Variants in VWA8 observed in about 807,000 individuals in gnomAD.
VWA8 encodes the protein von Willebrand factor A domain containing 8.
Under a neutral mutation model 241.5 loss-of-function variants are expected in VWA8, and 221 were observed. That is an observed-to-expected ratio of 0.91 (90% CI 0.82 to 1.02). The LOEUF is 1.02. VWA8 is among the 50% of genes least tolerant of loss of function. VWA8 has a pLI of 0.00. For missense variants in VWA8, 2,322 were observed against 2,328.7 expected (o/e 1.00, Z 0.06); for synonymous variants, 852 against 827.1 (o/e 1.03, Z -0.52).
At chr13:41,658,434 T>C (rs556471901) in intron 37 of VWA8, among the ~76,000 whole-genome samples, 3 of 152,398 alleles carry the variant, frequency 2.0e-5, no homozygotes. Flanking sequence ...AGGATCATTA[T>C]ATAAATATCT....
chr13:41,796,334 T>C (rs1869701251), intron 17 of VWA8, among the ~76,000 whole-genome samples: 1 of 152,164 alleles, frequency 6.6e-6, no homozygotes, highest in Non-Finnish European at 1.5e-5. Context: ...TCAGGAATGG[T>C]CTTTTTTAAT....
intron 4 of VWA8, among the ~76,000 whole-genome samples, chr13:41,896,583 T>G (rs559845370): frequency 1.3e-5 from 2 of 152,142 alleles, no homozygotes; most frequent in East Asian, 3.8e-4. Flanking sequence ...TAAATATCTT[T>G]AGTATAAATT....
chr13:41,857,464 T>C (rs1489096834), intron 12 of VWA8, among the ~76,000 whole-genome samples: 1 of 152,180 alleles, frequency 6.6e-6, no homozygotes, highest in Non-Finnish European at 1.5e-5. Flanking sequence ...TACAATTTAA[T>C]TTATAAAATT....
intron 2 of VWA8, among the ~76,000 whole-genome samples, chr13:41,919,185 G>C (rs956642010): frequency 3.3e-5 from 5 of 152,158 alleles, no homozygotes; most frequent in African/African-American, 1.2e-4. Context: ...GAGAAGGAAA[G>C]GAAACTTTGC....
chr13:41,731,291 G>T (rs1188081427), intron 22 of VWA8, among the ~76,000 whole-genome samples: 1 of 152,084 alleles, frequency 6.6e-6, no homozygotes, highest in East Asian at 1.9e-4. Context: ...GGCAGGCTGA[G>T]ATTTCTTTAG....
chr13:41,893,922 T>A (rs781250187), intron 4 of VWA8, among the ~76,000 whole-genome samples: 1 of 152,190 alleles, frequency 6.6e-6, no homozygotes, highest in Non-Finnish European at 1.5e-5. Context: ...AAGGTTTCAA[T>A]TAAGCTTTTG....
chr13:41,633,886 CTT>C (rs1338725554), intron 37 of VWA8, among the ~76,000 whole-genome samples: 1 of 152,086 alleles, frequency 6.6e-6, no homozygotes. Flanking sequence ...CCTTGAAATT[CTT>C]ACTCCTAAAA....
At chr13:41,744,898 C>A (rs1461257808) in intron 21 of VWA8, among the ~76,000 whole-genome samples, 1 of 151,940 alleles carries the variant, frequency 6.6e-6, no homozygotes, top group Non-Finnish European at 1.5e-5. Flanking sequence ...AGTGCAGTGG[C>A]GCAATCTCGG....
chr13:41,703,180 A>T, intron 27 of VWA8, 123 bp downstream of exon 27: 1 of 771,790 alleles, frequency 1.3e-6, no homozygotes, highest in Non-Finnish European at 2.1e-6. Context: ...TTTGAAAGTT[A>T]GAGCAGAAGC....
intron 24 of VWA8, 88 bp from the exon 25 acceptor site, chr13:41,721,663 C>G: frequency 1.5e-6 from 2 of 1,375,126 alleles, no homozygotes; most frequent in South Asian, 1.4e-5. Context: ...TAAAGAGCCA[C>G]TGGTTGCTCA....
At chr13:41,863,454 TTCA>T (rs1873136469) in intron 12 of VWA8, among the ~76,000 whole-genome samples, 1 of 94,822 alleles carries the variant, frequency 1.1e-5, no homozygotes, top group African/African-American at 3.9e-5. Context: ...TATATATATA[TTCA>T]CACACACACA....
At chr13:41,571,143 T>TTCCTCTCCCCG (rs1593620706) in intron 43 of VWA8, among the ~76,000 whole-genome samples, 1 of 152,144 alleles carries the variant, frequency 6.6e-6, no homozygotes, top group South Asian at 2.1e-4. Context: ...GACTTAAAAT[T>TTCCTCTCCCCG]GTGATGTGCA....
At position 41,701,475 on chromosome 13, in the gene VWA8, G is replaced by T. The variant is rs774308810; in HGVS notation, c.3281C>A (p.Ser1094Tyr). 2 of 1,611,850 alleles carry T rather than the reference G, an allele frequency of 1.2e-6. No homozygotes were observed. The highest frequency in any genetic ancestry group is 1.7e-6 in the Non-Finnish European group (2 of 1,179,048). The part of the protein sequence containing the change: ...EYPIERHEER[S>Y]LNFTEECASW... ...GGCACATTCTTCAGTAAAGTTTAGGGATCTTTCTTCATGTCTTTCTATTGG... is the reference window on the plus strand; with the variant it reads ...GGCACATTCTTCAGTAAAGTTTAGGTATCTTTCTTCATGTCTTTCTATTGG... The change falls in exon 28 of 45, where the codon TCC becomes TAC. Residue 1094 changes from serine to tyrosine, a missense_variant. Ser to Tyr is a moderately radical substitution (Grantham distance 144). Transcript: ENST00000379310.
At chr13:41,740,848 AT>A (rs1282023958) in intron 21 of VWA8, among the ~76,000 whole-genome samples, 1 of 152,154 alleles carries the variant, frequency 6.6e-6, no homozygotes, top group Non-Finnish European at 1.5e-5. Flanking sequence ...TTTATTTAAG[AT>A]TACCCAAAAC....
At chr13:41,911,512 G>A (rs1345047836) in intron 3 of VWA8, among the ~76,000 whole-genome samples, 4 of 152,300 alleles carry the variant, frequency 2.6e-5, no homozygotes, top group African/African-American at 7.2e-5. Flanking sequence ...TTACCAGCTG[G>A]ATAAAGCTTG....
At chr13:41,811,881 T>C (rs1047984397) in intron 16 of VWA8, among the ~76,000 whole-genome samples, 5 of 152,192 alleles carry the variant, frequency 3.3e-5, no homozygotes, top group Non-Finnish European at 5.9e-5. Context: ...TTTGCTATAT[T>C]ACATTTCCCA....
intron 2 of VWA8, among the ~76,000 whole-genome samples, chr13:41,917,398 A>G (rs1876309802): frequency 6.6e-6 from 1 of 152,108 alleles, no homozygotes. Flanking sequence ...TGACTCTTTC[A>G]GGTCTGTTTC....
intron 37 of VWA8, among the ~76,000 whole-genome samples, chr13:41,670,582 C>T (rs1188249915): frequency 6.6e-6 from 1 of 152,028 alleles, no homozygotes; most frequent in African/African-American, 2.4e-5. Context: ...TTTCTGTTTC[C>T]TAGGTAGCAT....
At chr13:41,571,806 C>T (rs558331567) in intron 43 of VWA8, among the ~76,000 whole-genome samples, 5 of 152,274 alleles carry the variant, frequency 3.3e-5, no homozygotes, top group East Asian at 1.9e-4. Context: ...TGCCTGGCCG[C>T]CCATCGTCTG....
Sources: gnomAD v4.1 joint callset for allele counts (sites outside exome capture counted in the v4.1 genomes callset) on GRCh38, gnomAD v4.1.1 for gene constraint, MANE v1.5 for transcripts, NCBI Gene and HGNC (gene_info 2026-07-23, HGNC 2026-07-21) for gene names.